The following UFD1 variants were observed in gnomAD, a reference collection of about 807,000 sequenced individuals.
UFD1 encodes ubiquitin recognition factor in ER associated degradation 1.
A neutral mutation model predicts 45.9 loss-of-function variants in UFD1; 13 were observed. The ratio of observed to expected loss-of-function variants is 0.28; its 90% confidence interval spans 0.18 to 0.45. The LOEUF is 0.45. UFD1 is among the 20% of genes least tolerant of loss of function. The pLI, the probability that UFD1 is intolerant of heterozygous loss-of-function variation, is 1.00. For synonymous variants in UFD1, 128 were observed against 139.2 expected (o/e 0.92, Z 0.56); for missense variants, 218 against 389.2 (o/e 0.56, Z 3.70).
chr22:19,464,117 C>A (rs1334674413), intron 6 of UFD1, among the ~76,000 whole-genome samples: 1 of 152,184 alleles, frequency 6.6e-6, no homozygotes, highest in Non-Finnish European at 1.5e-5. Flanking sequence ...ACCCAAGGAA[C>A]TGAAAAATAA....
chr22:19,457,237 T>A (rs144277384), intron 7 of UFD1, among the ~76,000 whole-genome samples: 52 of 152,322 alleles, frequency 3.4e-4, no homozygotes, highest in African/African-American at 1.1e-3. Flanking sequence ...ACAGTTGAGA[T>A]GTAGAACAGT....
intron 11 of UFD1, chr22:19,453,561 G>A (rs1601885432): frequency 2.0e-6 from 2 of 985,532 alleles, no homozygotes; most frequent in East Asian, 2.3e-4. Flanking sequence ...CTTTTAGTGA[G>A]AAAGGCAGCC....
chr22:19,466,769 G>A (rs1421923993), intron 5 of UFD1: 3 of 152,340 alleles, frequency 2.0e-5, no homozygotes, highest in African/African-American at 7.2e-5. Context: ...GGCAGAGTTT[G>A]CAGTGAGCTG....
intron 11 of UFD1, chr22:19,454,498 T>C: frequency 2.4e-6 from 2 of 828,122 alleles, no homozygotes; most frequent in Non-Finnish European, 3.4e-6. Context: ...ACCAGCTTTT[T>C]CTCTGCCTGC....
intron 3 of UFD1, among the ~76,000 whole-genome samples, chr22:19,473,540 T>G (rs2089860678): frequency 6.6e-6 from 1 of 152,072 alleles, no homozygotes; most frequent in South Asian, 2.1e-4. Context: ...AGGAAGACCT[T>G]TTTAGGGAGC....
intron 4 of UFD1, among the ~76,000 whole-genome samples, chr22:19,469,385 T>C (rs1456994672): frequency 6.6e-6 from 1 of 151,990 alleles, no homozygotes; most frequent in African/African-American, 2.4e-5. Flanking sequence ...GACACTGCCA[T>C]AGGTGATGTG....
chr22:19,478,731 C>G (rs1015721017), intron 1 of UFD1: 1 of 376,484 alleles, frequency 2.7e-6, no homozygotes, highest in Non-Finnish European at 4.8e-6. Flanking sequence ...CGCCCTGATT[C>G]TGTTCCCATC....
intron 11 of UFD1, chr22:19,454,505 C>T (rs1187490900): frequency 3.5e-6 from 3 of 856,762 alleles, no homozygotes; most frequent in Non-Finnish European, 4.9e-6. Flanking sequence ...TTTTCTCTGC[C>T]TGCTACCATC....
At chr22:19,462,062 C>T (rs1020185360) in intron 6 of UFD1, among the ~76,000 whole-genome samples, 8 of 152,124 alleles carry the variant, frequency 5.3e-5, no homozygotes, top group African/African-American at 1.2e-4. Context: ...TGCAGTGGCA[C>T]GGTCACTGTT....
rs936179556 is a variant in UFD1, at chr22:19,465,162, G to A, written c.495+40C>T. The A allele has an allele frequency of 5.0e-6, 8 of 1,584,454 alleles. No individual in the cohort carries two copies. The African/African-American group carries it at 8.1e-5, about 16-fold the overall frequency. On this transcript the variant is annotated intron_variant, in intron 6 of 11. Coordinates refer to ENST00000263202, the MANE Select transcript of UFD1 (RefSeq NM_005659.7). Reference sequence around the variant, plus strand: ...TCAAACATTAGAATGGACACTGCAGGTGGCTCTTGTCAGGAATGACCTGCA... The same window carrying A: ...TCAAACATTAGAATGGACACTGCAGATGGCTCTTGTCAGGAATGACCTGCA...
intron 6 of UFD1, among the ~76,000 whole-genome samples, chr22:19,463,192 T>C (rs1314256464): frequency 6.6e-6 from 1 of 152,254 alleles, no homozygotes; most frequent in Non-Finnish European, 1.5e-5. Context: ...TCTTTCCTAC[T>C]GGGATTGCAA....
At chr22:19,473,012 A>G (rs145358127) in intron 3 of UFD1, among the ~76,000 whole-genome samples, 1 of 152,356 alleles carries the variant, frequency 6.6e-6, no homozygotes, top group East Asian at 1.9e-4. Flanking sequence ...TTGGGCAGGA[A>G]GCTACAGAGA....
Position 19,468,010 on chromosome 22 carries a change from G to C in UFD1, c.292-7C>G, listed in dbSNP as rs1568899920. Reference sequence around the variant, plus strand: ...AGAGTAAGTTCTGCATCATCTGAAAGGAAGAAGAGGCTACATGAGACTCCT... The same window carrying C: ...AGAGTAAGTTCTGCATCATCTGAAACGAAGAAGAGGCTACATGAGACTCCT... On this transcript the variant is annotated splice_region_variant and splice_polypyrimidine_tract_variant and intron_variant, in intron 4 of 11. Coordinates refer to ENST00000263202, the MANE Select transcript of UFD1 (RefSeq NM_005659.7). 6.2e-7 allele frequency: 1 copy of C among 1,613,954 alleles called. No individual in the cohort carries two copies. Among genetic ancestry groups the C allele is most frequent in the Non-Finnish European group, 8.5e-7 (1 of 1,179,910 alleles).
Position 19,471,403 on chromosome 22 carries a change from ACGCC to A in UFD1, c.291+280_291+283del, listed in dbSNP as rs2089844235. 7 of 682,996 alleles carry A rather than the reference ACGCC, an allele frequency of 1.0e-5. No individual in the cohort carries two copies. In the East Asian group the frequency reaches 2.1e-4, roughly 21 times the overall value. The allele number at this position is 682,996 out of a possible 1,614,324, so 42.3% of individuals were successfully genotyped here. A position where few individuals can be genotyped will look rare whatever the true frequency, so the allele number is the denominator to read the frequency against. On this transcript the variant is annotated intron_variant, in intron 4 of 11. Transcript: ENST00000263202. ...TACTGTTGCTCCATTATTTTTAAAA[ACGCC>A]TCACCCAGGAAATCACAGATGAACA...
At chr22:19,458,034 G>A in intron 7 of UFD1, 37 bp downstream of exon 7, 1 of 1,612,742 alleles carries the variant, frequency 6.2e-7, no homozygotes, top group Non-Finnish European at 8.5e-7. Flanking sequence ...CATCCTCCCA[G>A]GGCCCAGGCT....
chr22:19,468,545 G>A (rs1292094925), intron 4 of UFD1, among the ~76,000 whole-genome samples: 4 of 152,178 alleles, frequency 2.6e-5, no homozygotes, highest in South Asian at 4.1e-4. Flanking sequence ...GGTAGACGAC[G>A]GCTGAGAAGT....
chr22:19,470,149 G>A (rs949950067), intron 4 of UFD1: 6 of 449,114 alleles, frequency 1.3e-5, no homozygotes, highest in African/African-American at 8.0e-5. Flanking sequence ...AAGGGGCTGA[G>A]CAGCAAATAC....
At chr22:19,470,943 C>T (rs183686093) in intron 4 of UFD1, among the ~76,000 whole-genome samples, 1 of 152,300 alleles carries the variant, frequency 6.6e-6, no homozygotes, top group East Asian at 1.9e-4. Context: ...TGATGTAATC[C>T]AAGCACAAAG....
intron 1 of UFD1, among the ~76,000 whole-genome samples, chr22:19,476,773 G>C (rs1176805128): frequency 6.6e-6 from 1 of 152,080 alleles, no homozygotes; most frequent in African/African-American, 2.4e-5. Flanking sequence ...TTGGGAGGCA[G>C]AGGCAGGTGG....
Sources: gnomAD v4.1 joint callset for allele counts (sites outside exome capture counted in the v4.1 genomes callset) on GRCh38, gnomAD v4.1.1 for gene constraint, MANE v1.5 for transcripts, NCBI Gene and HGNC (gene_info 2026-07-23, HGNC 2026-07-21) for gene names.